The following SYCE1 variants were observed in gnomAD, a reference collection of about 807,000 sequenced individuals.
SYCE1 encodes synaptonemal complex central element protein 1.
Under a neutral mutation model 55.1 loss-of-function variants are expected in SYCE1, and 37 were observed. The observed-to-expected ratio is 0.67, with a 90% CI of 0.52 to 0.88. The LOEUF (loss-of-function observed/expected upper bound fraction) is 0.88, where lower values mean the gene tolerates loss of function less well. Among genes scored for constraint, SYCE1 ranks in the 40% least tolerant of loss-of-function variants. The probability of loss-of-function intolerance (pLI) is 0.00; values close to 1 mark genes in which losing one functional copy is unlikely to be tolerated. For missense variants in SYCE1, 399 were observed against 416.4 expected (o/e 0.96, Z 0.36); for synonymous variants, 163 against 159.4 (o/e 1.02, Z -0.17).
Position 133,558,759 on chromosome 10 carries a change from G to A in SYCE1, c.271+118C>T, listed in dbSNP as rs934290574. 55 of 954,258 alleles carry A rather than the reference G, an allele frequency of 5.8e-5. No individual in the cohort carries two copies. The African/African-American group carries it at 7.4e-4, about 13-fold the overall frequency. 59.1% of individuals were successfully genotyped at this position (954,258 alleles called of 1,614,324 possible). On this transcript the variant is annotated intron_variant, in intron 4 of 12. Coordinates refer to ENST00000343131, the MANE Select transcript of SYCE1 (RefSeq NM_001143764.3). ...GGAGAGGGGGAGATTGGCAGGACAT[G>A]AGGCTAGAGAGGGTACAGGACCCTT...
intron 1 of SYCE1, among the ~76,000 whole-genome samples, chr10:133,565,154 C>T (rs1373361223): frequency 6.6e-6 from 1 of 152,162 alleles, no homozygotes; most frequent in African/African-American, 2.4e-5. Context: ...AGGAAAATAT[C>T]CTTTTTGTTT....
At chr10:133,566,092 C>T (rs1213507594), upstream of SYCE1, among the ~76,000 whole-genome samples, 1 of 152,228 alleles carries the variant, frequency 6.6e-6, no homozygotes, top group Non-Finnish European at 1.5e-5. Flanking sequence ...CCCGTGAGCT[C>T]CATGCCCACA....
intron 1 of SYCE1, chr10:133,560,961 T>C (rs940466328): frequency 6.6e-6 from 1 of 152,192 alleles, no homozygotes. Flanking sequence ...CATTTGTCTT[T>C]TATCTACTTA....
upstream of SYCE1, chr10:133,565,723 AC>A: frequency 1.7e-6 from 1 of 577,648 alleles, no homozygotes. Flanking sequence ...AGGGCTACAA[AC>A]GCGGCGGGAA....
At chr10:133,568,081 G>T (rs1851991417), upstream of SYCE1, 3 of 687,186 alleles carry the variant, frequency 4.4e-6, no homozygotes, top group Non-Finnish European at 5.2e-6. Context: ...TGGTCACCGA[G>T]CCCAGCCAGG....
chr10:133,559,927 T>C (rs1427764450), intron 2 of SYCE1, 164 bp downstream of exon 2: 6 of 663,186 alleles, frequency 9.0e-6, no homozygotes, highest in Non-Finnish European at 1.5e-5. Context: ...TCTTTAATTT[T>C]GAAACATGGG....
chr10:133,554,393 T>C, downstream of SYCE1: 2 of 1,457,742 alleles, frequency 1.4e-6, no homozygotes, highest in South Asian at 2.3e-5. Context: ...ATGCAGACTT[T>C]GACTCCCACC....
chr10:133,564,380 C>T (rs566101719), intron 1 of SYCE1: 8 of 984,766 alleles, frequency 8.1e-6, no homozygotes, highest in Admixed American at 6.2e-5. Flanking sequence ...AAGGCACAAG[C>T]GACATTGGTT....
chr10:133,559,347 C>T lies in SYCE1; in HGVS notation c.150G>A (p.Glu50=). 1 of 1,614,118 alleles carries T rather than the reference C, an allele frequency of 6.2e-7. No individual in the cohort carries two copies. Residue 50 remains glutamate, a synonymous_variant, in exon 3 of 13, where the codon GAG becomes GAA. Transcript: ENST00000343131. The part of the protein sequence containing the change: ...VQKLQKVGSL[E]PRVEVLINRI... Reference sequence around the variant, plus strand: ...GGTTAATCAGGACCTCAACTCGGGGCTCTAGGCTTCCCACTGCACGGAGGA... The same window carrying T: ...GGTTAATCAGGACCTCAACTCGGGGTTCTAGGCTTCCCACTGCACGGAGGA...
At chr10:133,560,560 A>G (rs1851795069) in intron 1 of SYCE1, 1 of 155,236 alleles carries the variant, frequency 6.4e-6, no homozygotes, top group African/African-American at 2.4e-5. Context: ...TAGTAACAAA[A>G]TGCATTAAGA....
At chr10:133,558,396 C>T in intron 4 of SYCE1, 182 bp from the exon 5 acceptor site, 1 of 668,006 alleles carries the variant, frequency 1.5e-6, no homozygotes, top group Non-Finnish European at 2.6e-6. Context: ...AAAGGGCCTT[C>T]ACATTTACAG....
In SYCE1 at chr10:133,560,100, G is replaced by C. The variant is rs1851785847; in HGVS notation, c.127C>G (p.Leu43Val). The change falls in exon 2 of 13, where the codon CTG (leucine) becomes GTG (valine). Residue 43 changes from leucine (L) to valine (V), a missense_variant. By Grantham distance (32) the Leu-to-Val change is conservative. Coordinates refer to ENST00000343131, the MANE Select transcript of SYCE1 (RefSeq NM_001143764.3). ...IEDLMEMVQK[L>V]QKVGSLEPRV... Reference sequence around the variant, plus strand: ...AAAGGAGACACACGACCTTTCTGCAGCTTTTGCACCATTTCCATCAAGTCT... The same window carrying C: ...AAAGGAGACACACGACCTTTCTGCACCTTTTGCACCATTTCCATCAAGTCT... The C allele has an allele frequency of 6.2e-7, 1 of 1,614,068 alleles. No homozygotes were observed. The highest frequency in any genetic ancestry group is 8.5e-7 in the Non-Finnish European group (1 of 1,179,986).
rs553927011 is a variant in SYCE1, at chr10:133,559,419, C to G, written c.137-59G>C. The stretch of plus-strand genomic sequence containing the variant: ...CAGGCAGAGTTGGGGCGGTTGCCAG[C>G]CTTGTGTCTCTGCTGCTTTCACGCA... On this transcript the variant is annotated intron_variant, in intron 2 of 12. Coordinates refer to ENST00000343131, the MANE Select transcript of SYCE1 (RefSeq NM_001143764.3). 4 of 1,528,748 alleles carry G rather than the reference C, an allele frequency of 2.6e-6. No individual in the cohort carries two copies. The East Asian group carries it at 6.8e-5, about 26-fold the overall frequency. 94.7% of individuals were successfully genotyped at this position (1,528,748 alleles called of 1,614,324 possible).
At position 133,554,898 on chromosome 10, in the gene SYCE1, C is replaced by G; in HGVS notation, c.*94G>C. 1 of 1,464,816 alleles carries G rather than the reference C, an allele frequency of 6.8e-7. No homozygotes were observed. The highest frequency in any genetic ancestry group is 9.0e-7 in the Non-Finnish European group (1 of 1,107,736). The allele number at this position is 1,464,816 out of a possible 1,614,324, so 90.7% of individuals were successfully genotyped here. On this transcript the variant is annotated 3_prime_UTR_variant, in exon 13 of 13. Coordinates refer to ENST00000343131, the MANE Select transcript of SYCE1 (RefSeq NM_001143764.3). Reference sequence around the variant, plus strand: ...ACCTGTGATGTACCTCTGGCCCAGACCAAGAGGCAGAGTCAAGCCAAGGCT... The same window carrying G: ...ACCTGTGATGTACCTCTGGCCCAGAGCAAGAGGCAGAGTCAAGCCAAGGCT...
Position 133,557,125 on chromosome 10 carries a change from T to C in SYCE1, c.406A>G (p.Arg136Gly). 6.2e-7 allele frequency: 1 copy of C among 1,614,146 alleles called. No individual in the cohort carries two copies. The highest frequency in any genetic ancestry group is 8.5e-7 in the Non-Finnish European group (1 of 1,180,034). ...KHTMLQECKE[R>G]ISALNLQIEE... ...ATCTGCAAGTTCAGGGCAGAAATTC[T>C]CTCCTTGCACTCCTGCAACATGGTG... Residue 136 changes from arginine to glycine, a missense_variant, in exon 7 of 13, where the codon AGA becomes GGA. Physicochemically the swap from Arg to Gly is moderately radical, Grantham distance 125 (BLOSUM62 -2). Coordinates refer to ENST00000343131, the MANE Select transcript of SYCE1 (RefSeq NM_001143764.3).
At chr10:133,563,153 T>G (rs1387539498) in intron 1 of SYCE1, among the ~76,000 whole-genome samples, 2 of 152,242 alleles carry the variant, frequency 1.3e-5, no homozygotes, top group Non-Finnish European at 2.9e-5. Context: ...ATATGCAAAA[T>G]TAAGGTGTCT....
chr10:133,566,692 A>G (rs1851946178), upstream of SYCE1, among the ~76,000 whole-genome samples: 1 of 145,924 alleles, frequency 6.9e-6, no homozygotes, highest in South Asian at 2.2e-4. Flanking sequence ...AAGGTTTGTA[A>G]GGGTTAGGGT....
intron 2 of SYCE1, 110 bp from the exon 3 acceptor site, chr10:133,559,470 CA>C: frequency 6.5e-6 from 7 of 1,078,174 alleles, no homozygotes; most frequent in Non-Finnish European, 9.9e-6. Context: ...GTACCTCCTG[CA>C]AGCAGGTGCT....
At chr10:133,566,188 G>T (rs1851931019), upstream of SYCE1, among the ~76,000 whole-genome samples, 1 of 152,206 alleles carries the variant, frequency 6.6e-6, no homozygotes, top group Non-Finnish European at 1.5e-5. Flanking sequence ...GAGGGCCCTG[G>T]GAGGAGGGAG....
Sources: gnomAD v4.1 joint callset for allele counts (sites outside exome capture counted in the v4.1 genomes callset) on GRCh38, gnomAD v4.1.1 for gene constraint, MANE v1.5 for transcripts, NCBI Gene and HGNC (gene_info 2026-07-23, HGNC 2026-07-21) for gene names.